Variants in DLGAP1 observed in about 807,000 individuals in gnomAD.
DLGAP1 encodes the protein disks large-associated protein 1.
Under a neutral mutation model 90.8 loss-of-function variants are expected in DLGAP1, and 11 were observed. That is an observed-to-expected ratio of 0.12 (90% CI 0.08 to 0.20). The LOEUF is 0.20. Among genes scored for constraint, DLGAP1 ranks in the 10% least tolerant of loss-of-function variants. The pLI is 1.00. For synonymous variants in DLGAP1, 558 were observed against 540.7 expected (o/e 1.03, Z -0.44); for missense variants, 1,050 against 1,333.8 (o/e 0.79, Z 3.31).
intron 1 of DLGAP1, among the ~76,000 whole-genome samples, chr18:4,356,012 A>G (rs2081505664): frequency 1.3e-5 from 2 of 151,712 alleles, no homozygotes; most frequent in Admixed American, 1.3e-4. Flanking sequence ...AAGATCACCA[A>G]TGACATCTAT....
intron 3 of DLGAP1, among the ~76,000 whole-genome samples, chr18:3,882,207 T>G (rs1280661879): frequency 2.6e-5 from 4 of 152,082 alleles, no homozygotes; most frequent in Non-Finnish European, 5.9e-5. Flanking sequence ...GAGGATCATA[T>G]ATCTCTTCTT....
At chr18:3,870,731 T>C (rs754599961) in intron 4 of DLGAP1, among the ~76,000 whole-genome samples, 1 of 152,126 alleles carries the variant, frequency 6.6e-6, no homozygotes, top group Non-Finnish European at 1.5e-5. Flanking sequence ...GGGATGCTGA[T>C]TTCAAAGGAG....
chr18:3,724,663 T>TGAACCCGG lies in DLGAP1; in HGVS notation c.1591+4471_1591+4472insCCGGGTTC, dbSNP rs1351273949. On this transcript the variant is annotated intron_variant, in intron 7 of 12. Transcript: ENST00000315677. ...AGGAGGCTGAGGTGGGAGGATCACT[T>TGAACCCGG]GAGGCGGAGGTTGCAGTGAGCCATG... 8.6e-5 allele frequency among the ~76,000 whole-genome samples: 13 copies of TGAACCCGG among 151,992 alleles called. 1 individual carries two copies. Among genetic ancestry groups the TGAACCCGG allele is most frequent in the Admixed American group, 6.6e-4 (10 of 15,236 alleles).
chr18:3,782,203 C>T (rs1376717831), intron 5 of DLGAP1, among the ~76,000 whole-genome samples: 2 of 150,840 alleles, frequency 1.3e-5, no homozygotes, highest in African/African-American at 4.9e-5. Flanking sequence ...GTGGTGCAAT[C>T]TCGGCTCACT....
chr18:3,533,454 T>C (rs2052144018), intron 10 of DLGAP1, among the ~76,000 whole-genome samples: 1 of 152,210 alleles, frequency 6.6e-6, no homozygotes, highest in African/African-American at 2.4e-5. Flanking sequence ...TGGGGGTTTC[T>C]AGCGGCCTAT....
At chr18:3,778,313 C>T (rs1271886418) in intron 5 of DLGAP1, among the ~76,000 whole-genome samples, 3 of 151,958 alleles carry the variant, frequency 2.0e-5, no homozygotes, top group African/African-American at 7.3e-5. Flanking sequence ...TGGTGGCAGG[C>T]ACCTGTAATC....
At chr18:4,276,138 C>G (rs1429472520) in intron 1 of DLGAP1, among the ~76,000 whole-genome samples, 1 of 85,986 alleles carries the variant, frequency 1.2e-5, no homozygotes, top group Non-Finnish European at 2.2e-5. Flanking sequence ...ACTGATGTGT[C>G]TCTTTTTTGG....
chr18:4,328,781 C>A (rs1437311680), intron 1 of DLGAP1, among the ~76,000 whole-genome samples: 2 of 151,866 alleles, frequency 1.3e-5, no homozygotes, highest in African/African-American at 2.4e-5. Context: ...ATTTGCATTT[C>A]TCTAATTACT....
At chr18:4,425,761 G>A (rs1238794958) in intron 1 of DLGAP1, among the ~76,000 whole-genome samples, 1 of 152,096 alleles carries the variant, frequency 6.6e-6, no homozygotes, top group East Asian at 1.9e-4. Flanking sequence ...GGGGAGGTTA[G>A]AAAGAAAGAG....
chr18:3,814,294 T>A (rs1428446436), intron 4 of DLGAP1, 21 bp from the exon 5 acceptor site: 1 of 1,597,068 alleles, frequency 6.3e-7, no homozygotes, highest in South Asian at 1.1e-5. Context: ...AGAAAACAGA[T>A]AAATCACTTT....
At chr18:3,887,444 G>A (rs2071345592) in intron 3 of DLGAP1, among the ~76,000 whole-genome samples, 1 of 152,202 alleles carries the variant, frequency 6.6e-6, no homozygotes, top group African/African-American at 2.4e-5. Flanking sequence ...ACATGTGGGA[G>A]TGGGGAGGGG....
chr18:3,533,150 C>T (rs914867503), intron 10 of DLGAP1, among the ~76,000 whole-genome samples: 2 of 152,104 alleles, frequency 1.3e-5, no homozygotes, highest in Admixed American at 6.5e-5. Flanking sequence ...AAATCAGCTG[C>T]ACATGGGGTG....
chr18:3,711,634 T>C lies in DLGAP1; in HGVS notation c.1591+17501A>G, dbSNP rs1009335935. On this transcript the variant is annotated intron_variant, in intron 7 of 12. Coordinates refer to ENST00000315677, the MANE Select transcript of DLGAP1 (RefSeq NM_004746.4). This position sits in a 1 kb window ranked among gnomAD's most constrained non-coding sequence, Gnocchi z 4.0. ...CAGGAGGATCACTTGAGCCCAGGAG[T>C]CTGAGACCAGCCTGGGCAACACAGC... Among the ~76,000 whole-genome samples, 2 of 151,134 alleles carry C rather than the reference T, an allele frequency of 1.3e-5. No individual in the cohort carries two copies. The highest frequency in any genetic ancestry group is 4.9e-5 in the African/African-American group (2 of 41,036).
At position 3,866,834 on chromosome 18, in the gene DLGAP1, A is replaced by T. The variant is rs150787449; in HGVS notation, c.957+12278T>A. On this transcript the variant is annotated intron_variant, in intron 4 of 12. Transcript: ENST00000315677. ...TTGAATATCCATCAAGTGTGGAATT[A>T]GTGTTATTTTTTATTTTATTTATAT... Among the ~76,000 whole-genome samples the T allele has an allele frequency of 8.1e-3, 1,238 of 152,248 alleles. 55 individuals carry two copies. The highest frequency in any genetic ancestry group is 0.065 in the Admixed American group (997 of 15,286).
intron 4 of DLGAP1, among the ~76,000 whole-genome samples, chr18:3,863,434 G>T (rs2070201600): frequency 6.6e-6 from 1 of 152,122 alleles, no homozygotes; most frequent in African/African-American, 2.4e-5. Flanking sequence ...ACATCCTCAG[G>T]TGTTATAATC....
intron 5 of DLGAP1, among the ~76,000 whole-genome samples, chr18:3,803,395 C>G (rs1325905280): frequency 6.6e-6 from 1 of 152,096 alleles, no homozygotes; most frequent in African/African-American, 2.4e-5. Context: ...GCACAAACCC[C>G]AGGAGGAGGC....
chr18:3,930,656 T>G (rs1244010985), intron 3 of DLGAP1, among the ~76,000 whole-genome samples: 1 of 152,172 alleles, frequency 6.6e-6, no homozygotes, highest in African/African-American at 2.4e-5. Flanking sequence ...GGCATTGCTC[T>G]GTGCCTGCTC....
At chr18:3,626,889 ACT>A (rs1180255290) in intron 7 of DLGAP1, among the ~76,000 whole-genome samples, 1 of 152,094 alleles carries the variant, frequency 6.6e-6, no homozygotes, top group Non-Finnish European at 1.5e-5. Context: ...ACAGAGTGAG[ACT>A]CTGTCTCACA....
At chr18:4,304,976 C>T (rs1475924176) in intron 1 of DLGAP1, among the ~76,000 whole-genome samples, 1 of 151,406 alleles carries the variant, frequency 6.6e-6, no homozygotes, top group South Asian at 2.1e-4. Flanking sequence ...TAACATTATT[C>T]ATTAAAAGTC....
Sources: allele counts gnomAD v4.1 joint callset (sites outside exome capture counted in the v4.1 genomes callset), GRCh38; gene constraint gnomAD v4.1.1; non-coding constraint Gnocchi (gnomAD v3.1); transcripts MANE v1.5; gene names NCBI Gene and HGNC (gene_info 2026-07-23, HGNC 2026-07-21).